LRMDA: variants seen among roughly 807,000 people sequenced by gnomAD.
The protein encoded by LRMDA is leucine-rich melanocyte differentiation-associated protein.
LRMDA carries 18 observed loss-of-function variants against 29.8 expected under a neutral mutation model. That is an observed-to-expected ratio of 0.60 (90% CI 0.42 to 0.90). LRMDA has a LOEUF of 0.90. LRMDA is among the 40% of genes least tolerant of loss of function. The pLI is 0.00. For synonymous variants in LRMDA, 125 were observed against 109.4 expected (o/e 1.14, Z -0.89); for missense variants, 273 against 273.9 (o/e 1.00, Z 0.02).
chr10:75,495,426 T>C (rs1416740984), intron 2 of LRMDA, among the ~76,000 whole-genome samples: 3 of 152,134 alleles, frequency 2.0e-5, no homozygotes. Context: ...GGGGACCATT[T>C]TTTGAGTGCC....
intron 5 of LRMDA, among the ~76,000 whole-genome samples, chr10:76,104,789 C>T (rs1849453207): frequency 1.3e-5 from 2 of 151,928 alleles, no homozygotes; most frequent in Admixed American, 6.6e-5. Context: ...TGTGGCTCAC[C>T]CCCCATATGG....
chr10:76,276,184 A>G (rs768530189), intron 5 of LRMDA, among the ~76,000 whole-genome samples: 1 of 152,042 alleles, frequency 6.6e-6, no homozygotes, highest in Non-Finnish European at 1.5e-5. Flanking sequence ...CTGTTCACCC[A>G]GGCTGGAGTG....
At chr10:75,692,317 A>G (rs908357713) in intron 2 of LRMDA, among the ~76,000 whole-genome samples, 1 of 147,306 alleles carries the variant, frequency 6.8e-6, no homozygotes, top group Admixed American at 6.9e-5. Flanking sequence ...ACATACATAT[A>G]TACATATGTA....
At position 76,419,585 on chromosome 10, in the gene LRMDA, G is replaced by T. The variant is rs539507608; in HGVS notation, c.601+95100G>T. ...TTTCAATTCATTGGGTGAATACCAG[G>T]GAGTGTGGTTGCTGGATGGTATGGA... On this transcript the variant is annotated intron_variant, in intron 6 of 6. Transcript: ENST00000611255. Among the ~76,000 whole-genome samples, 25 of 152,120 alleles carry T rather than the reference G, an allele frequency of 1.6e-4. No individual in the cohort carries two copies. In the East Asian group the frequency reaches 4.8e-3, roughly 29 times the overall value.
chr10:76,098,785 C>T lies in LRMDA; in HGVS notation c.516+40002C>T, dbSNP rs552510177. 1.1e-4 allele frequency among the ~76,000 whole-genome samples: 16 copies of T among 152,302 alleles called. No homozygotes were observed. The East Asian group carries it at 2.9e-3, about 28-fold the overall frequency. On this transcript the variant is annotated intron_variant, in intron 5 of 6. Transcript: ENST00000611255. Reference sequence around the variant, plus strand: ...GTGGGAGACTGGAGTTTTATTATTACTCCAATCAGTCTCTCCAAGCATTTA... The same window carrying T: ...GTGGGAGACTGGAGTTTTATTATTATTCCAATCAGTCTCTCCAAGCATTTA...
At chr10:76,398,015 T>C (rs1383026787) in intron 6 of LRMDA, among the ~76,000 whole-genome samples, 2 of 152,244 alleles carry the variant, frequency 1.3e-5, no homozygotes, top group Non-Finnish European at 2.9e-5. Flanking sequence ...CAAAATGATT[T>C]ACTTCTCTAT....
chr10:76,256,488 A>T (rs11001710), intron 5 of LRMDA, among the ~76,000 whole-genome samples: 9,261 of 152,262 alleles, frequency 0.061, 390 homozygotes, highest in Middle Eastern at 0.15. Flanking sequence ...GCAGGGGGGA[A>T]GACAGTGGTC....
rs12247816 is a variant in LRMDA at position 75,598,008 on chromosome 10, G to C, written c.131+159514G>C. ...AATGAGTTCAAACAGACCTGAAATG[G>C]AGCTCAGTTCTCGGGGTTTGCTGCC... On this transcript the variant is annotated intron_variant, in intron 2 of 6. Transcript: ENST00000611255. Among the ~76,000 whole-genome samples, 580 of 152,230 alleles carry C rather than the reference G, an allele frequency of 3.8e-3. 4 individuals carry two copies. The highest frequency in any genetic ancestry group is 0.013 in the African/African-American group (559 of 41,526).
intron 5 of LRMDA, among the ~76,000 whole-genome samples, chr10:76,142,171 G>T (rs979296610): frequency 1.3e-5 from 2 of 151,848 alleles, no homozygotes; most frequent in Non-Finnish European, 2.9e-5. Context: ...TAATGTAGAT[G>T]ATTTTTTTCT....
chr10:76,519,971 A>T (rs1380395937), intron 6 of LRMDA, among the ~76,000 whole-genome samples: 1 of 151,936 alleles, frequency 6.6e-6, no homozygotes, highest in Non-Finnish European at 1.5e-5. Flanking sequence ...GCAGAGGAAA[A>T]CTTTTTACAT....
chr10:75,984,114 C>G (rs1847221726), intron 2 of LRMDA, among the ~76,000 whole-genome samples: 1 of 152,174 alleles, frequency 6.6e-6, no homozygotes, highest in Non-Finnish European at 1.5e-5. Context: ...CTGGGCATAT[C>G]ACATGGCAAG....
At chr10:76,516,071 T>C (rs889490952) in intron 6 of LRMDA, among the ~76,000 whole-genome samples, 1 of 152,200 alleles carries the variant, frequency 6.6e-6, no homozygotes, top group Non-Finnish European at 1.5e-5. Flanking sequence ...GGTTTCTTAT[T>C]TGTAGCACAG....
At chr10:76,195,510 T>C (rs1851317793) in intron 5 of LRMDA, among the ~76,000 whole-genome samples, 1 of 152,152 alleles carries the variant, frequency 6.6e-6, no homozygotes, top group African/African-American at 2.4e-5. Context: ...CAGATGAAAA[T>C]TGAGGCCTGG....
At chr10:76,401,099 G>A (rs1841843014) in intron 6 of LRMDA, among the ~76,000 whole-genome samples, 1 of 152,134 alleles carries the variant, frequency 6.6e-6, no homozygotes, top group African/African-American at 2.4e-5. Context: ...GTGCTAGGCT[G>A]CAAATTATAT....
chr10:75,875,255 G>A (rs1845176361), intron 2 of LRMDA, among the ~76,000 whole-genome samples: 1 of 152,160 alleles, frequency 6.6e-6, no homozygotes, highest in Admixed American at 6.5e-5. Flanking sequence ...GACTTTTCAA[G>A]GTATAGACTA....
At chr10:75,545,349 A>C (rs947457472) in intron 2 of LRMDA, among the ~76,000 whole-genome samples, 3 of 152,130 alleles carry the variant, frequency 2.0e-5, no homozygotes, top group Non-Finnish European at 4.4e-5. Context: ...GAAAGAAAAA[A>C]ATTTGAGAAT....
chr10:75,750,940 T>G (rs372374192), intron 2 of LRMDA, among the ~76,000 whole-genome samples: 4 of 152,162 alleles, frequency 2.6e-5, no homozygotes, highest in South Asian at 2.1e-4. Context: ...CTGCAATCTC[T>G]GCACTTTGGG....
chr10:76,485,485 G>A (rs1170075793), intron 6 of LRMDA, among the ~76,000 whole-genome samples: 1 of 151,830 alleles, frequency 6.6e-6, no homozygotes, highest in Middle Eastern at 3.2e-3. Context: ...TTCATATAGT[G>A]TTATCACCGA....
At chr10:75,751,662 ACT>A (rs1842970825) in intron 2 of LRMDA, among the ~76,000 whole-genome samples, 1 of 152,130 alleles carries the variant, frequency 6.6e-6, no homozygotes, top group Admixed American at 6.5e-5. Context: ...CCTCACCATC[ACT>A]GTTATCCTCC....
Sources: gnomAD v4.1 joint callset for allele counts (sites outside exome capture counted in the v4.1 genomes callset) on GRCh38, gnomAD v4.1.1 for gene constraint, MANE v1.5 for transcripts, NCBI Gene and HGNC (gene_info 2026-07-23, HGNC 2026-07-21) for gene names.